The following CHRNA7 variants were observed in gnomAD, a reference collection of about 807,000 sequenced individuals.
CHRNA7 encodes the protein neuronal acetylcholine receptor subunit alpha-7.
In CHRNA7, 17 loss-of-function variants were observed where a neutral mutation model predicts 48.0. The observed-to-expected ratio is 0.35, with a 90% CI of 0.24 to 0.53. CHRNA7 has a LOEUF of 0.53. CHRNA7 is among the 20% of genes least tolerant of loss of function. The probability of loss-of-function intolerance (pLI) is 0.92; values close to 1 mark genes in which losing one functional copy is unlikely to be tolerated. For missense variants in CHRNA7, 155 were observed against 577.7 expected, an observed-to-expected ratio of 0.27 and a Z score of 7.50; for synonymous variants, 75 against 242.3, an observed-to-expected ratio of 0.31 and a Z score of 6.41.
At chr15:32,085,672 C>T (rs2050284081) in intron 2 of CHRNA7, among the ~76,000 whole-genome samples, 1 of 152,218 alleles carries the variant, frequency 6.6e-6, no homozygotes, top group Admixed American at 6.5e-5. Flanking sequence ...TCCCATTCTT[C>T]TGAATTCAGT....
rs377518463 is a variant in CHRNA7, at chr15:32,124,837, C to T, written c.350+12938C>T. 3.9e-5 allele frequency among the ~76,000 whole-genome samples: 6 copies of T among 152,268 alleles called. No homozygotes were observed. In the East Asian group the frequency reaches 9.7e-4, roughly 24 times the overall value. Reference sequence around the variant, plus strand: ...GGATTAGTGTCCTTATAAGAAGAGACACAAGGGCTTTCTTCCTGTCTCTGC... The same window carrying T: ...GGATTAGTGTCCTTATAAGAAGAGATACAAGGGCTTTCTTCCTGTCTCTGC... On this transcript the variant is annotated intron_variant, in intron 4 of 9. Coordinates refer to ENST00000306901, the MANE Select transcript of CHRNA7 (RefSeq NM_000746.6).
intron 2 of CHRNA7, among the ~76,000 whole-genome samples, chr15:32,096,539 A>G (rs2141252913): frequency 6.6e-6 from 1 of 152,248 alleles, no homozygotes; most frequent in South Asian, 2.1e-4. Flanking sequence ...ATATGAATTT[A>G]TATTATCCAG....
At chr15:32,056,408 T>C (rs1211888674) in intron 2 of CHRNA7, among the ~76,000 whole-genome samples, 1 of 152,198 alleles carries the variant, frequency 6.6e-6, no homozygotes, top group Non-Finnish European at 1.5e-5. Context: ...TGGTGACTAA[T>C]TTATTTTGTT....
intron 2 of CHRNA7, among the ~76,000 whole-genome samples, chr15:32,082,495 C>A (rs1177715181): frequency 6.6e-6 from 1 of 151,974 alleles, no homozygotes; most frequent in East Asian, 1.9e-4. Flanking sequence ...TTTTAGAGAA[C>A]AACTCAGCAT....
intron 2 of CHRNA7, among the ~76,000 whole-genome samples, chr15:32,090,124 G>GT (rs1352736208): frequency 6.6e-6 from 1 of 152,178 alleles, no homozygotes; most frequent in Non-Finnish European, 1.5e-5. Flanking sequence ...CTTCACAAGT[G>GT]TTTCTCTAGT....
At chr15:32,110,639 C>G (rs1595458235) in intron 3 of CHRNA7, among the ~76,000 whole-genome samples, 2 of 152,300 alleles carry the variant, frequency 1.3e-5, no homozygotes, top group East Asian at 3.9e-4. Context: ...GGCCCACAGC[C>G]CCTCATCTGC....
intron 4 of CHRNA7, among the ~76,000 whole-genome samples, chr15:32,145,519 C>G (rs1040478467): frequency 6.6e-6 from 1 of 152,176 alleles, no homozygotes; most frequent in Non-Finnish European, 1.5e-5. Flanking sequence ...TATGCCCTGC[C>G]CACAGAAGTG....
chr15:32,121,254 C>G (rs1273246793), intron 4 of CHRNA7, among the ~76,000 whole-genome samples: 1 of 152,164 alleles, frequency 6.6e-6, no homozygotes, highest in Non-Finnish European at 1.5e-5. Context: ...GTGGTATTTT[C>G]TGGGGACCTA....
rs150073494 is a variant in CHRNA7 at position 32,075,891 on chromosome 15, A to G, written c.196-25412A>G. Among the ~76,000 whole-genome samples the G allele has an allele frequency of 6.5e-3, 982 of 151,712 alleles. 10 individuals carry two copies. Among genetic ancestry groups the G allele is most frequent in the South Asian group, 0.036 (174 of 4,796 alleles). ...TATCTCACAAATTTTAATATGTTGT[A>G]TTTTCATATTCAAAATATATTTTTA... On this transcript the variant is annotated intron_variant, in intron 2 of 9. Coordinates refer to ENST00000306901, the MANE Select transcript of CHRNA7 (RefSeq NM_000746.6).
At chr15:32,141,387 A>T (rs1262272581) in intron 4 of CHRNA7, among the ~76,000 whole-genome samples, 1 of 152,054 alleles carries the variant, frequency 6.6e-6, no homozygotes, top group African/African-American at 2.4e-5. Context: ...TTTGCTTAGG[A>T]TTGTCTTGGC....
At chr15:32,074,470 A>G (rs1038860286) in intron 2 of CHRNA7, among the ~76,000 whole-genome samples, 2 of 150,852 alleles carry the variant, frequency 1.3e-5, no homozygotes, top group Non-Finnish European at 3.0e-5. Context: ...GAAATTATTG[A>G]TTATTTTACT....
chr15:32,090,423 G>C (rs1263959328), intron 2 of CHRNA7, among the ~76,000 whole-genome samples: 1 of 152,158 alleles, frequency 6.6e-6, no homozygotes, highest in East Asian at 1.9e-4. Flanking sequence ...GACTGTGGCT[G>C]TCTGGGGGCT....
intron 4 of CHRNA7, among the ~76,000 whole-genome samples, chr15:32,137,251 A>G (rs920908069): frequency 6.6e-6 from 1 of 151,982 alleles, no homozygotes; most frequent in African/African-American, 2.4e-5. Flanking sequence ...ATGAAACTAA[A>G]CCATATATAC....
intron 2 of CHRNA7, among the ~76,000 whole-genome samples, chr15:32,080,170 A>C (rs1212548345): frequency 1.3e-5 from 2 of 152,224 alleles, no homozygotes; most frequent in Non-Finnish European, 2.9e-5. Flanking sequence ...TTAAAGACTT[A>C]AATGTAAAAC....
intron 2 of CHRNA7, among the ~76,000 whole-genome samples, chr15:32,066,479 A>C (rs909694074): frequency 6.6e-6 from 1 of 152,166 alleles, no homozygotes; most frequent in Non-Finnish European, 1.5e-5. Context: ...ACAGGGTTTC[A>C]CCATGTTGGC....
At position 32,168,756 on chromosome 15, in the gene CHRNA7, GCTCCCC is replaced by G; in HGVS notation, c.*299_*304del. The G allele has an allele frequency of 7.6e-4, 19 of 25,056 alleles. No individual in the cohort carries two copies. The highest frequency in any genetic ancestry group is 1.1e-3 in the South Asian group (2 of 1,830). 1.6% of individuals were successfully genotyped at this position (25,056 alleles called of 1,614,324 possible). On this transcript the variant is annotated 3_prime_UTR_variant, in exon 10 of 10. Coordinates refer to ENST00000306901, the MANE Select transcript of CHRNA7 (RefSeq NM_000746.6). ...CACTGCCTGGAAAGCCCTTCGGAGAGCTCCCCATGGCTCCTCACCACCGAGACAGTT... is the reference window on the plus strand; with the variant it reads ...CACTGCCTGGAAAGCCCTTCGGAGAGATGGCTCCTCACCACCGAGACAGTT...
intron 4 of CHRNA7, among the ~76,000 whole-genome samples, chr15:32,142,715 T>C (rs909877891): frequency 6.6e-6 from 1 of 152,238 alleles, no homozygotes; most frequent in Admixed American, 6.5e-5. Context: ...TAGAGGTGTT[T>C]ATAGTATTCT....
chr15:32,144,455 T>A (rs1296071953), intron 4 of CHRNA7, among the ~76,000 whole-genome samples: 1 of 152,224 alleles, frequency 6.6e-6, no homozygotes, highest in Non-Finnish European at 1.5e-5. Flanking sequence ...AATTTGAATG[T>A]TGGCCTGCCT....
chr15:32,112,609 TAAGGTGTCAG>T (rs2050782126), intron 4 of CHRNA7, among the ~76,000 whole-genome samples: 1 of 152,228 alleles, frequency 6.6e-6, no homozygotes, highest in African/African-American at 2.4e-5. Flanking sequence ...TTCTGACTAA[TAAGGTGTCAG>T]ACCTCATAAA....
Sources: allele counts gnomAD v4.1 joint callset (sites outside exome capture counted in the v4.1 genomes callset), GRCh38; gene constraint gnomAD v4.1.1; transcripts MANE v1.5; gene names NCBI Gene and HGNC (gene_info 2026-07-23, HGNC 2026-07-21).